The following MAPK10 variants were observed in gnomAD, a reference collection of about 807,000 sequenced individuals.
The protein encoded by MAPK10 is JNK3 alpha protein kinase.
In MAPK10, 25 loss-of-function variants were observed where a neutral mutation model predicts 59.3. That is an observed-to-expected ratio of 0.42 (90% CI 0.31 to 0.59). MAPK10 has a LOEUF of 0.59. Among genes scored for constraint, MAPK10 ranks in the 20% least tolerant of loss-of-function variants. The pLI, the probability that MAPK10 is intolerant of heterozygous loss-of-function variation, is 0.15. For synonymous variants in MAPK10, 190 were observed against 200.5 expected (o/e 0.95, Z 0.44); for missense variants, 351 against 568.9 (o/e 0.62, Z 3.90).
intron 1 of MAPK10, among the ~76,000 whole-genome samples, chr4:86,394,744 T>C (rs895052612): frequency 8.5e-5 from 13 of 152,168 alleles, no homozygotes; most frequent in Admixed American, 7.9e-4. Context: ...TCATTTATTT[T>C]AAAAAGTGAA....
chr4:86,164,598 T>G (rs1417589036), intron 3 of MAPK10: 1 of 148,972 alleles, frequency 6.7e-6, no homozygotes, highest in African/African-American at 2.5e-5. Flanking sequence ...AGATAAGATA[T>G]TTTTAGTGAG....
intron 1 of MAPK10, among the ~76,000 whole-genome samples, chr4:86,421,102 T>C (rs1204627730): frequency 6.6e-6 from 1 of 151,914 alleles, no homozygotes; most frequent in Non-Finnish European, 1.5e-5. Flanking sequence ...AAAAAAAATT[T>C]ACATATACAA....
At chr4:86,381,567 G>A (rs1384661659) in intron 1 of MAPK10, among the ~76,000 whole-genome samples, 1 of 152,184 alleles carries the variant, frequency 6.6e-6, no homozygotes, top group African/African-American at 2.4e-5. Context: ...CTGGAAGGCA[G>A]GAGAAAGGAA....
chr4:86,137,140 A>C (rs906811800), intron 4 of MAPK10, among the ~76,000 whole-genome samples: 3 of 151,318 alleles, frequency 2.0e-5, no homozygotes, highest in African/African-American at 7.4e-5. Context: ...ACAGAAGGTC[A>C]ACAAGGATAC....
intron 2 of MAPK10, among the ~76,000 whole-genome samples, chr4:86,256,039 T>C (rs34241060): frequency 0.026 from 3,962 of 152,290 alleles, 91 homozygotes; most frequent in Non-Finnish European, 0.039. Context: ...AGGTACAGTA[T>C]TACTGAATGA....
chr4:86,188,529 T>C (rs979034512), intron 3 of MAPK10, among the ~76,000 whole-genome samples: 1 of 152,146 alleles, frequency 6.6e-6, no homozygotes, highest in Non-Finnish European at 1.5e-5. Context: ...ATGTTTGTTG[T>C]CTGCATAAAT....
rs372758122 is a variant in MAPK10 at position 86,430,516 on chromosome 4, G to A, written c.-122+22514C>T. ...CAGCGCAAAGTTTAGACATTGGCAG[G>A]AGATACCGATATTTAAATAAACGAG... On this transcript the variant is annotated intron_variant, in intron 1 of 13. Transcript: ENST00000361569. Among the ~76,000 whole-genome samples, 10 of 152,254 alleles carry A rather than the reference G, an allele frequency of 6.6e-5. No homozygotes were observed. In the East Asian group the frequency reaches 1.2e-3, roughly 18 times the overall value.
chr4:86,177,664 C>A (rs574352169), intron 3 of MAPK10, among the ~76,000 whole-genome samples: 1 of 152,004 alleles, frequency 6.6e-6, no homozygotes, highest in African/African-American at 2.4e-5. Flanking sequence ...TCCATGGACA[C>A]TCCAGACACT....
chr4:86,080,815 T>G (rs1057353312), intron 9 of MAPK10: 10 of 151,934 alleles, frequency 6.6e-5, no homozygotes, highest in Admixed American at 5.2e-4. Context: ...GAAGAAAGAT[T>G]AAAAGAATCA....
rs1416748010 is a variant in MAPK10, at chr4:86,294,034, T to C, written c.-7+60496A>G. On this transcript the variant is annotated intron_variant, in intron 2 of 13. Transcript: ENST00000641462. ...GCAGGACAACCCAGAAGTGCGGAGT[T>C]AACACCCACAGAAGCAACTCAGCAA... Among the ~76,000 whole-genome samples the C allele has an allele frequency of 2.0e-5, 3 of 152,222 alleles. No homozygotes were observed. The South Asian group carries it at 6.2e-4, about 32-fold the overall frequency.
intron 10 of MAPK10, among the ~76,000 whole-genome samples, chr4:86,066,649 C>G (rs1215869051): frequency 1.3e-5 from 2 of 150,972 alleles, no homozygotes; most frequent in African/African-American, 2.4e-5. Flanking sequence ...CCTGTAGTCC[C>G]AGCTACTCGG....
chr4:86,592,294 T>A (rs1763097376), intron 1 of MAPK10, among the ~76,000 whole-genome samples: 1 of 151,568 alleles, frequency 6.6e-6, no homozygotes, highest in Admixed American at 6.6e-5. Flanking sequence ...TTTCAGCTCA[T>A]CCAAAACAGA....
At chr4:86,568,830 A>T (rs1211504284) in intron 1 of MAPK10, among the ~76,000 whole-genome samples, 1 of 152,202 alleles carries the variant, frequency 6.6e-6, no homozygotes, top group Non-Finnish European at 1.5e-5. Flanking sequence ...AACACCTGAA[A>T]CTATAAAAAT....
intron 4 of MAPK10, among the ~76,000 whole-genome samples, chr4:86,116,980 A>T (rs1184415504): frequency 6.6e-6 from 1 of 152,252 alleles, no homozygotes; most frequent in Non-Finnish European, 1.5e-5. Flanking sequence ...ATATCTGCTA[A>T]TCAGTAGTTC....
chr4:86,073,882 TG>T (rs2048609254), intron 9 of MAPK10, among the ~76,000 whole-genome samples: 1 of 115,958 alleles, frequency 8.6e-6, no homozygotes, highest in Non-Finnish European at 1.8e-5. Context: ...TGATTTGGGG[TG>T]GTGAGTTCTG....
At chr4:86,091,994 T>C (rs951650830) in intron 9 of MAPK10, among the ~76,000 whole-genome samples, 4 of 150,584 alleles carry the variant, frequency 2.7e-5, no homozygotes, top group Admixed American at 2.0e-4. Context: ...TAATAACTGG[T>C]ATTAATAACT....
intron 9 of MAPK10, among the ~76,000 whole-genome samples, chr4:86,086,551 T>G (rs2051912751): frequency 6.6e-6 from 1 of 151,972 alleles, no homozygotes; most frequent in African/African-American, 2.4e-5. Flanking sequence ...CCAGAAAAAT[T>G]AAAAATTAAA....
intron 2 of MAPK10, among the ~76,000 whole-genome samples, chr4:86,236,615 G>A (rs1194026603): frequency 6.6e-6 from 1 of 152,186 alleles, no homozygotes; most frequent in African/African-American, 2.4e-5. Context: ...GCTAGAATTA[G>A]AGGGATTCAG....
At chr4:86,414,449 CT>C (rs1235477861) in intron 1 of MAPK10, among the ~76,000 whole-genome samples, 1 of 152,186 alleles carries the variant, frequency 6.6e-6, no homozygotes, top group Admixed American at 6.5e-5. Context: ...CCAATCTCTA[CT>C]TTTCAAAAGT....
Sources: allele counts gnomAD v4.1 joint callset (sites outside exome capture counted in the v4.1 genomes callset), GRCh38; gene constraint gnomAD v4.1.1; transcripts MANE v1.5; gene names NCBI Gene and HGNC (gene_info 2026-07-23, HGNC 2026-07-21).